The following OSBPL9 variants were observed in gnomAD, a reference collection of about 807,000 sequenced individuals.
OSBPL9 encodes oxysterol binding protein like 9, also known as oxysterol-binding protein-related protein 9.
In OSBPL9, 40 loss-of-function variants were observed where a neutral mutation model predicts 106.6. The observed-to-expected ratio is 0.38, with a 90% confidence interval of 0.29 to 0.49. The LOEUF is 0.49. Among genes scored for constraint, OSBPL9 ranks in the 20% least tolerant of loss-of-function variants. The probability of loss-of-function intolerance (pLI) is 0.97; values close to 1 mark genes in which losing one functional copy is unlikely to be tolerated. For synonymous variants in OSBPL9, 269 were observed against 295.4 expected (o/e 0.91, Z 0.92); for missense variants, 609 against 887.2 (o/e 0.69, Z 3.98).
upstream of OSBPL9, among the ~76,000 whole-genome samples, chr1:51,573,745 C>T (rs182761645): frequency 2.4e-3 from 352 of 147,782 alleles, 1 homozygote; most frequent in African/African-American, 8.4e-3. Flanking sequence ...ACCCGGGAGG[C>T]GGAGGTTGCA....
intron 6 of OSBPL9, among the ~76,000 whole-genome samples, chr1:51,747,601 T>C (rs2149010034): frequency 7.1e-6 from 1 of 141,750 alleles, no homozygotes; most frequent in South Asian, 2.4e-4. Flanking sequence ...CTGTATAGCC[T>C]TGCGTTTGGC....
intron 9 of OSBPL9, among the ~76,000 whole-genome samples, chr1:51,758,694 G>T (rs1670885154): frequency 6.6e-6 from 1 of 152,158 alleles, no homozygotes; most frequent in Non-Finnish European, 1.5e-5. Flanking sequence ...CTGGTCCCTT[G>T]TTCCAAAGTT....
chr1:51,736,338 A>G (rs1433211758), intron 4 of OSBPL9, among the ~76,000 whole-genome samples: 1 of 152,200 alleles, frequency 6.6e-6, no homozygotes, highest in Non-Finnish European at 1.5e-5. Context: ...GCTTTGGCAT[A>G]TATAATTTCT....
intron 2 of OSBPL9, among the ~76,000 whole-genome samples, chr1:51,601,028 T>G (rs1339239974): frequency 6.6e-6 from 1 of 152,204 alleles, no homozygotes; most frequent in Non-Finnish European, 1.5e-5. Context: ...TTTTAATTTT[T>G]TATTTGTTCA....
rs1480325502 is a variant in OSBPL9, at chr1:51,729,205, G to A, written c.318+15126G>A. On this transcript the variant is annotated intron_variant, in intron 4 of 23. Transcript: ENST00000428468. The surrounding 1 kb of genome is among the most constrained non-coding windows in gnomAD (Gnocchi z 5.1). Reference sequence around the variant, plus strand: ...GTCTCACCGGATTAATAAAAATATAGGCGCTCACGCTTTTGTTTACCGATA... The same window carrying A: ...GTCTCACCGGATTAATAAAAATATAAGCGCTCACGCTTTTGTTTACCGATA... 1 of 152,156 alleles carries A rather than the reference G, an allele frequency of 6.6e-6. No homozygotes were observed. The allele number at this position is 152,156 out of a possible 1,614,324, so 9.4% of individuals were successfully genotyped here.
intron 3 of OSBPL9, among the ~76,000 whole-genome samples, chr1:51,683,469 T>G (rs895186929): frequency 1.3e-5 from 2 of 151,012 alleles, no homozygotes; most frequent in South Asian, 2.1e-4. Flanking sequence ...CATGAGCCAC[T>G]GTGCCCAGCC....
chr1:51,562,455 C>T, the OSBPL9 span, among the ~76,000 whole-genome samples: 1 of 152,162 alleles, frequency 6.6e-6, no homozygotes, highest in Non-Finnish European at 1.5e-5. Context: ...GCCAATTAAG[C>T]CTCTTTTCTT....
At chr1:51,728,756 T>C (rs897698862) in intron 4 of OSBPL9, among the ~76,000 whole-genome samples, 1 of 151,832 alleles carries the variant, frequency 6.6e-6, no homozygotes, top group East Asian at 1.9e-4. Flanking sequence ...CCTCCCTCCT[T>C]CCCCCGCCTC....
At chr1:51,699,018 G>C (rs1284259261) in intron 3 of OSBPL9, among the ~76,000 whole-genome samples, 1 of 152,052 alleles carries the variant, frequency 6.6e-6, no homozygotes, top group Non-Finnish European at 1.5e-5. Context: ...AGATTAGATT[G>C]GTCAGAATAA....
At chr1:51,714,158 T>A (rs1000111214) in intron 4 of OSBPL9, 79 bp downstream of exon 4, 82 of 1,037,560 alleles carry the variant, frequency 7.9e-5, no homozygotes, top group African/African-American at 1.2e-4. Context: ...TTTTTTTTTT[T>A]AAATAACTGT....
intron 9 of OSBPL9, among the ~76,000 whole-genome samples, chr1:51,759,192 C>T (rs1233058086): frequency 6.6e-6 from 1 of 151,698 alleles, no homozygotes; most frequent in Non-Finnish European, 1.5e-5. Context: ...GTATTTGTGG[C>T]AGATAAACTA....
the OSBPL9 span, among the ~76,000 whole-genome samples, chr1:51,542,481 G>A: frequency 0.24 from 36,177 of 152,072 alleles, 5,045 homozygotes; most frequent in Middle Eastern, 0.36. Context: ...CCATTTGAAC[G>A]GCCAGTGAAA....
Position 51,729,852 on chromosome 1 carries a change from A to C in OSBPL9, c.319-15684A>C, listed in dbSNP as rs923838691. 2.4e-6 allele frequency: 3 copies of C among 1,246,748 alleles called. No individual in the cohort carries two copies. The African/African-American group carries it at 4.7e-5, about 19-fold the overall frequency. 77.2% of individuals were successfully genotyped at this position (1,246,748 alleles called of 1,614,324 possible). A position where few individuals can be genotyped will look rare whatever the true frequency, so the allele number is the denominator to read the frequency against. On this transcript the variant is annotated intron_variant, in intron 4 of 23. Coordinates refer to ENST00000428468, the MANE Select transcript of OSBPL9 (RefSeq NM_024586.6). This position sits in a 1 kb window ranked among gnomAD's most constrained non-coding sequence, Gnocchi z 5.1. ...GGGGGTGTCCCGGGGGACGGGCTGA[A>C]CCTCAGTCAGGACCGCCTGCACCGC...
chr1:51,731,665 T>C (rs953953865), intron 4 of OSBPL9, among the ~76,000 whole-genome samples: 3 of 150,958 alleles, frequency 2.0e-5, no homozygotes, highest in African/African-American at 7.3e-5. Flanking sequence ...TAGTCCCAGC[T>C]ACTCGGGAGG....
At chr1:51,570,915 A>G in the OSBPL9 span, among the ~76,000 whole-genome samples, 30 of 151,836 alleles carry the variant, frequency 2.0e-4, no homozygotes, top group Non-Finnish European at 3.7e-4. Flanking sequence ...TCCGCCTCCC[A>G]GGTTCAAATG....
intron 3 of OSBPL9, among the ~76,000 whole-genome samples, chr1:51,675,191 A>G (rs1445289164): frequency 6.6e-6 from 1 of 152,196 alleles, no homozygotes; most frequent in Non-Finnish European, 1.5e-5. Flanking sequence ...AGCAGTGCAT[A>G]ACTGTAAATG....
intron 3 of OSBPL9, among the ~76,000 whole-genome samples, chr1:51,686,938 A>G (rs1280811150): frequency 6.6e-6 from 1 of 152,218 alleles, no homozygotes; most frequent in East Asian, 1.9e-4. Context: ...AGAAGACTGA[A>G]TGTAGAGCAT....
chr1:51,664,724 A>G (rs971250468), intron 2 of OSBPL9, among the ~76,000 whole-genome samples: 1 of 152,126 alleles, frequency 6.6e-6, no homozygotes, highest in Non-Finnish European at 1.5e-5. Flanking sequence ...AAGTTCAAAG[A>G]CAGACTAAAC....
the OSBPL9 span, among the ~76,000 whole-genome samples, chr1:51,544,939 G>T: frequency 2.7e-5 from 4 of 147,574 alleles, no homozygotes; most frequent in Non-Finnish European, 5.9e-5. Context: ...CACCTCCCAG[G>T]CTCAAGCAAT....
Sources: gnomAD v4.1 joint callset for allele counts (sites outside exome capture counted in the v4.1 genomes callset) on GRCh38, gnomAD v4.1.1 for gene constraint, Gnocchi (gnomAD v3.1) non-coding constraint, MANE v1.5 for transcripts, NCBI Gene and HGNC (gene_info 2026-07-23, HGNC 2026-07-21) for gene names.